APBA2: variants seen among roughly 807,000 people sequenced by gnomAD.
The protein encoded by APBA2 is amyloid beta precursor protein binding family A member 2.
In APBA2, 30 loss-of-function variants were observed where a neutral mutation model predicts 75.0. That is an observed-to-expected ratio of 0.40 (90% CI 0.30 to 0.54). The LOEUF (loss-of-function observed/expected upper bound fraction) is 0.54. Among genes scored for constraint, APBA2 ranks in the 20% least tolerant of loss-of-function variants. The pLI is 0.49. For synonymous variants in APBA2, 444 were observed against 409.6 expected (o/e 1.08, Z -1.01); for missense variants, 801 against 1,016.1 (o/e 0.79, Z 2.88).
Position 29,093,061 on chromosome 15 carries a change from G to T in APBA2, c.1070-14G>T. On this transcript the variant is annotated splice_polypyrimidine_tract_variant and intron_variant, in intron 6 of 14. Transcript: ENST00000683413. ...TCTCCTCTAGGAAGACTCTGACTCT[G>T]TGCCCTCCTTCAGTTCCAGGGCCCT... 6.2e-7 allele frequency: 1 copy of T among 1,614,124 alleles called. No homozygotes were observed. Among genetic ancestry groups the T allele is most frequent in the Non-Finnish European group, 8.5e-7 (1 of 1,180,030 alleles).
chr15:29,041,734 C>A (rs1233016395), intron 3 of APBA2, among the ~76,000 whole-genome samples: 1 of 152,014 alleles, frequency 6.6e-6, no homozygotes, highest in Non-Finnish European at 1.5e-5. Context: ...AAATTTCCAG[C>A]AGGATTTAAA....
chr15:28,999,953 G>T (rs1005758446), intron 3 of APBA2, among the ~76,000 whole-genome samples: 5 of 152,134 alleles, frequency 3.3e-5, no homozygotes, highest in South Asian at 2.1e-4. Flanking sequence ...GCAGCATGGA[G>T]GGCAGAGAAG....
chr15:29,110,879 C>T (rs1329937405), intron 13 of APBA2, among the ~76,000 whole-genome samples: 1 of 152,078 alleles, frequency 6.6e-6, no homozygotes, highest in African/African-American at 2.4e-5. Context: ...GAAGTCAAGG[C>T]GGAGGGCAGC....
chr15:29,082,419 A>G (rs778793965), intron 6 of APBA2, among the ~76,000 whole-genome samples: 1 of 152,214 alleles, frequency 6.6e-6, no homozygotes, highest in Non-Finnish European at 1.5e-5. Flanking sequence ...GATTACTAGT[A>G]TACAATACAG....
intron 3 of APBA2, among the ~76,000 whole-genome samples, chr15:29,045,335 C>T (rs1366144158): frequency 2.0e-5 from 3 of 151,246 alleles, no homozygotes. Flanking sequence ...TGTGATCTGC[C>T]AGCCTCGGCC....
intron 2 of APBA2, among the ~76,000 whole-genome samples, chr15:28,933,227 G>GT (rs1008251121): frequency 6.7e-5 from 10 of 149,072 alleles, no homozygotes; most frequent in African/African-American, 2.6e-4. Context: ...CATGAACTTT[G>GT]GGGGGGCACA....
intron 3 of APBA2, among the ~76,000 whole-genome samples, chr15:29,029,632 T>C (rs1023261698): frequency 6.6e-6 from 1 of 151,844 alleles, no homozygotes; most frequent in Non-Finnish European, 1.5e-5. Context: ...GAGTAGCTGT[T>C]AAGAGGTGGA....
chr15:28,922,833 G>C (rs1243821272), intron 2 of APBA2, among the ~76,000 whole-genome samples: 1 of 152,318 alleles, frequency 6.6e-6, no homozygotes, highest in African/African-American at 2.4e-5. Context: ...TGAGACCTTA[G>C]AAGCAGGCAC....
At chr15:29,084,005 T>C (rs896128893) in intron 6 of APBA2, among the ~76,000 whole-genome samples, 3 of 152,226 alleles carry the variant, frequency 2.0e-5, no homozygotes, top group Non-Finnish European at 4.4e-5. Context: ...TCAACACATA[T>C]CTTGTTTGTC....
At chr15:29,030,192 G>C (rs989639146) in intron 3 of APBA2, among the ~76,000 whole-genome samples, 2 of 152,186 alleles carry the variant, frequency 1.3e-5, no homozygotes, top group African/African-American at 4.8e-5. Flanking sequence ...GGGCCCGGTG[G>C]CTCACGCCTG....
intron 2 of APBA2, among the ~76,000 whole-genome samples, chr15:28,945,470 T>G (rs1033766847): frequency 2.6e-5 from 4 of 151,956 alleles, no homozygotes; most frequent in African/African-American, 9.7e-5. Flanking sequence ...GTTTTGTGTG[T>G]TTAGGGTTAT....
chr15:29,011,807 A>G (rs1030728072), intron 3 of APBA2, among the ~76,000 whole-genome samples: 4 of 152,144 alleles, frequency 2.6e-5, no homozygotes, highest in Non-Finnish European at 4.4e-5. Context: ...AGTCCTGTCA[A>G]TTCTCCCTTT....
At chr15:28,914,022 G>A (rs144218562) in intron 1 of APBA2, among the ~76,000 whole-genome samples, 5,539 of 152,316 alleles carry the variant, frequency 0.036, 137 homozygotes, top group Middle Eastern at 0.099. Flanking sequence ...CTCCCTCCAA[G>A]TGGAAGTCCT....
intron 2 of APBA2, among the ~76,000 whole-genome samples, chr15:28,984,853 A>ATC (rs66710666): frequency 0.053 from 3,907 of 74,070 alleles, 84 homozygotes; most frequent in Middle Eastern, 0.15. Flanking sequence ...GAGCTGCTCT[A>ATC]TCTCTCTCTC....
chr15:29,081,088 C>A (rs1008476795), intron 6 of APBA2, among the ~76,000 whole-genome samples: 10 of 152,182 alleles, frequency 6.6e-5, no homozygotes, highest in African/African-American at 2.2e-4. Context: ...CACCTATCAC[C>A]CCTTCCTTCT....
intron 3 of APBA2, among the ~76,000 whole-genome samples, chr15:29,033,906 A>G (rs1566929205): frequency 7.1e-6 from 1 of 141,208 alleles, no homozygotes; most frequent in Admixed American, 7.5e-5. Flanking sequence ...TGGAGCTTGC[A>G]GTGAGCTGAG....
At chr15:29,026,445 G>A (rs7183691) in intron 3 of APBA2, among the ~76,000 whole-genome samples, 56,349 of 152,120 alleles carry the variant, frequency 0.37, 17,203 homozygotes, top group African/African-American at 0.81. Context: ...TGAACGGCCA[G>A]TTAACCCTCT....
chr15:28,990,388 G>A (rs1279648329), intron 2 of APBA2: 4 of 128,374 alleles, frequency 3.1e-5, no homozygotes, highest in Non-Finnish European at 6.1e-5. Flanking sequence ...CGGAAACTCC[G>A]TCTTAAAAAA....
intron 2 of APBA2, among the ~76,000 whole-genome samples, chr15:28,967,531 C>T (rs769964031): frequency 1.3e-4 from 20 of 152,062 alleles, no homozygotes; most frequent in Admixed American, 5.9e-4. Context: ...CTCCGCCTCC[C>T]GGGTTCACAC....
Sources: gnomAD v4.1 joint callset for allele counts (sites outside exome capture counted in the v4.1 genomes callset) on GRCh38, gnomAD v4.1.1 for gene constraint, MANE v1.5 for transcripts, NCBI Gene and HGNC (gene_info 2026-07-23, HGNC 2026-07-21) for gene names.